VOPP1: variants seen among roughly 807,000 people sequenced by gnomAD.
VOPP1 encodes WW domain binding protein VOPP1.
In VOPP1, 8 loss-of-function variants were observed where a neutral mutation model predicts 23.5. The observed-to-expected ratio is 0.34, with a 90% CI of 0.20 to 0.61. The LOEUF is 0.61. Among genes scored for constraint, VOPP1 ranks in the 20% least tolerant of loss-of-function variants. The pLI is 0.78. For synonymous variants in VOPP1, 83 were observed against 97.3 expected (o/e 0.85, Z 0.86); for missense variants, 174 against 238.1 (o/e 0.73, Z 1.77).
chr7:55,528,914 A>C (rs1242475189), intron 1 of VOPP1, among the ~76,000 whole-genome samples: 5 of 152,354 alleles, frequency 3.3e-5, no homozygotes, highest in Admixed American at 2.6e-4. Flanking sequence ...ATATATATTT[A>C]ATTTCAACAA....
chr7:55,507,198 C>G (rs1392275377), intron 2 of VOPP1, among the ~76,000 whole-genome samples: 1 of 152,184 alleles, frequency 6.6e-6, no homozygotes, highest in Non-Finnish European at 1.5e-5. Flanking sequence ...TGGCTCTCAG[C>G]ACAGGCTCAC....
chr7:55,477,325 C>T (rs1238896443), intron 4 of VOPP1, among the ~76,000 whole-genome samples: 1 of 152,222 alleles, frequency 6.6e-6, no homozygotes, highest in Non-Finnish European at 1.5e-5. Flanking sequence ...ATGTGGCAGA[C>T]GTTCCATAAA....
chr7:55,537,077 T>C (rs1716922740), intron 1 of VOPP1, among the ~76,000 whole-genome samples: 1 of 152,110 alleles, frequency 6.6e-6, no homozygotes, highest in Non-Finnish European at 1.5e-5. Flanking sequence ...AGAAACGCAA[T>C]GCAGATGGTG....
chr7:55,461,221 T>C (rs926304168), intron 4 of VOPP1, among the ~76,000 whole-genome samples: 2 of 151,984 alleles, frequency 1.3e-5, no homozygotes, highest in African/African-American at 2.4e-5. Context: ...CAATGGACTT[T>C]GGGGACTCAC....
At chr7:55,570,317 T>C (rs1798305899) in intron 1 of VOPP1, among the ~76,000 whole-genome samples, 1 of 152,212 alleles carries the variant, frequency 6.6e-6, no homozygotes, top group African/African-American at 2.4e-5. Flanking sequence ...CTTAGGATAA[T>C]CATCATGTCA....
chr7:55,440,222 G>A (rs1479634132), intron 4 of VOPP1, among the ~76,000 whole-genome samples: 7 of 152,210 alleles, frequency 4.6e-5, no homozygotes, highest in Non-Finnish European at 1.5e-5. Flanking sequence ...ACATTCGTGA[G>A]TGGGGACAAA....
intron 4 of VOPP1, 130 bp from the exon 5 acceptor site, chr7:55,473,175 T>A: frequency 7.2e-7 from 1 of 1,380,224 alleles, no homozygotes; most frequent in Non-Finnish European, 9.5e-7. Flanking sequence ...GGACCCAACA[T>A]GCCCGGTGAG....
intron 2 of VOPP1, 150 bp downstream of exon 2, chr7:55,520,922 T>G: frequency 1.3e-6 from 1 of 746,690 alleles, no homozygotes; most frequent in Non-Finnish European, 2.2e-6. Context: ...TGAGGTCACC[T>G]GCTCATCCCC....
intron 4 of VOPP1, among the ~76,000 whole-genome samples, chr7:55,458,696 T>G (rs1791428349): frequency 6.6e-6 from 1 of 152,120 alleles, no homozygotes; most frequent in African/African-American, 2.4e-5. Flanking sequence ...TTTCAGCTTT[T>G]TCATCATTGA....
chr7:55,560,661 C>T (rs945745530), intron 1 of VOPP1, among the ~76,000 whole-genome samples: 1 of 152,090 alleles, frequency 6.6e-6, no homozygotes, highest in African/African-American at 2.4e-5. Flanking sequence ...AAATCTGGAT[C>T]GGTTTAAGCC....
intron 2 of VOPP1, among the ~76,000 whole-genome samples, chr7:55,506,791 G>A (rs182890379): frequency 0.027 from 4,126 of 151,780 alleles, 92 homozygotes; most frequent in African/African-American, 0.06. Context: ...GGTGTGCGCC[G>A]CCATGCCTGG....
intron 4 of VOPP1, among the ~76,000 whole-genome samples, chr7:55,440,997 G>T (rs192090843): frequency 1.3e-5 from 2 of 152,144 alleles, no homozygotes; most frequent in African/African-American, 2.4e-5. Context: ...AAATTTTCTC[G>T]CATGGAATTA....
intron 4 of VOPP1, among the ~76,000 whole-genome samples, chr7:55,453,402 T>C (rs1791290052): frequency 6.6e-6 from 1 of 152,218 alleles, no homozygotes; most frequent in Non-Finnish European, 1.5e-5. Context: ...CCTTCCTTAC[T>C]AGACTTAATC....
chr7:55,456,497 A>C (rs1039020823), intron 4 of VOPP1, among the ~76,000 whole-genome samples: 1 of 152,188 alleles, frequency 6.6e-6, no homozygotes, highest in Non-Finnish European at 1.5e-5. Context: ...ACTCATGCAC[A>C]CCTATGTTTA....
chr7:55,460,787 A>G (rs1311213866), intron 4 of VOPP1, among the ~76,000 whole-genome samples: 2 of 152,180 alleles, frequency 1.3e-5, no homozygotes, highest in Admixed American at 6.5e-5. Flanking sequence ...AACTATAGCT[A>G]TTCCTGCTCA....
chr7:55,544,491 C>T (rs781756557), intron 1 of VOPP1, among the ~76,000 whole-genome samples: 1 of 152,142 alleles, frequency 6.6e-6, no homozygotes, highest in Non-Finnish European at 1.5e-5. Context: ...ATGAAAAAAA[C>T]TTGCGAGAAA....
At chr7:55,502,765 C>T (rs1475607835) in intron 2 of VOPP1, among the ~76,000 whole-genome samples, 3 of 152,238 alleles carry the variant, frequency 2.0e-5, no homozygotes, top group African/African-American at 4.8e-5. Flanking sequence ...AATACTCCTA[C>T]TGCCCTAAGC....
intron 1 of VOPP1, among the ~76,000 whole-genome samples, chr7:55,564,643 C>G (rs770331032): frequency 2.1e-4 from 32 of 152,142 alleles, no homozygotes; most frequent in Admixed American, 3.9e-4. Context: ...AGCAAGCCCA[C>G]TTTTTAATCG....
intron 4 of VOPP1, among the ~76,000 whole-genome samples, chr7:55,487,411 ATCTC>A (rs1395159659): frequency 5.3e-5 from 8 of 152,220 alleles, no homozygotes; most frequent in East Asian, 1.9e-4. Context: ...GTCCTCCGCA[ATCTC>A]TCTCTATGTA....
Sources: gnomAD v4.1 joint callset for allele counts (sites outside exome capture counted in the v4.1 genomes callset) on GRCh38, gnomAD v4.1.1 for gene constraint, MANE v1.5 for transcripts, NCBI Gene and HGNC (gene_info 2026-07-23, HGNC 2026-07-21) for gene names.